ARHGAP25: variants seen among roughly 807,000 people sequenced by gnomAD.
ARHGAP25 encodes rho GTPase-activating protein 25.
In ARHGAP25, 34 loss-of-function variants were observed where a neutral mutation model predicts 71.0. That is an observed-to-expected ratio of 0.48 (90% CI 0.36 to 0.64). The LOEUF (loss-of-function observed/expected upper bound fraction) is 0.64, where lower values mean the gene tolerates loss of function less well. Ranked by LOEUF, ARHGAP25 falls within the 30% of genes least tolerant of loss-of-function variation. The pLI, the probability that ARHGAP25 is intolerant of heterozygous loss-of-function variation, is 0.00. For synonymous variants in ARHGAP25, 282 were observed against 296.5 expected (o/e 0.95, Z 0.50); for missense variants, 706 against 805.1 (o/e 0.88, Z 1.49).
chr2:68,799,929 T>C (rs1004346484), intron 4 of ARHGAP25, among the ~76,000 whole-genome samples: 4 of 152,212 alleles, frequency 2.6e-5, no homozygotes, highest in Non-Finnish European at 4.4e-5. Context: ...TCTTCGGCCC[T>C]GCCATGCCTC....
chr2:68,792,416 TC>T (rs1679246581), intron 4 of ARHGAP25, among the ~76,000 whole-genome samples: 1 of 152,198 alleles, frequency 6.6e-6, no homozygotes, highest in Non-Finnish European at 1.5e-5. Flanking sequence ...TTCCATCCCC[TC>T]ATCCTTCTGA....
chr2:68,740,680 A>T (rs1284353555), intron 1 of ARHGAP25, among the ~76,000 whole-genome samples: 1 of 152,226 alleles, frequency 6.6e-6, no homozygotes, highest in African/African-American at 2.4e-5. Flanking sequence ...TACAGCTCTC[A>T]ATACTATGGA....
intron 10 of ARHGAP25, among the ~76,000 whole-genome samples, chr2:68,825,639 G>A: frequency 6.6e-6 from 1 of 152,078 alleles, no homozygotes; most frequent in East Asian, 1.9e-4. Flanking sequence ...GCTGGGTATG[G>A]TGGCGGGCAT....
At chr2:68,769,617 A>G (rs6728582) in intron 1 of ARHGAP25, among the ~76,000 whole-genome samples, 14,241 of 152,212 alleles carry the variant, frequency 0.094, 819 homozygotes, top group East Asian at 0.25. Context: ...ACAGGAAAAG[A>G]AAAAAGTACC....
intron 2 of ARHGAP25, among the ~76,000 whole-genome samples, chr2:68,713,402 G>A (rs943804803): frequency 5.8e-4 from 88 of 152,196 alleles, no homozygotes; most frequent in African/African-American, 1.9e-3. Context: ...GGAGATTTGG[G>A]GCTGAGACGA....
At chr2:68,774,054 T>C (rs1221004466) in intron 1 of ARHGAP25, among the ~76,000 whole-genome samples, 1 of 152,132 alleles carries the variant, frequency 6.6e-6, no homozygotes, top group Non-Finnish European at 1.5e-5. Flanking sequence ...GCAGAGTTGA[T>C]AGCTTAGTTT....
At chr2:68,712,247 G>A (rs1017504273) in intron 2 of ARHGAP25, among the ~76,000 whole-genome samples, 1 of 152,142 alleles carries the variant, frequency 6.6e-6, no homozygotes, top group Non-Finnish European at 1.5e-5. Flanking sequence ...GTTTTGATTT[G>A]CATTTTTCTA....
chr2:68,809,428 G>C (rs984929764), intron 5 of ARHGAP25, among the ~76,000 whole-genome samples: 1 of 152,186 alleles, frequency 6.6e-6, no homozygotes, highest in African/African-American at 2.4e-5. Context: ...ACTCTGAAGT[G>C]AAAGTGACCA....
At chr2:68,825,384 T>C (rs1682039398) in intron 10 of ARHGAP25, among the ~76,000 whole-genome samples, 1 of 152,196 alleles carries the variant, frequency 6.6e-6, no homozygotes, top group South Asian at 2.1e-4. Flanking sequence ...TGGTCCCTCC[T>C]TTCAAAGACT....
At chr2:68,760,565 G>A (rs1257796602) in intron 1 of ARHGAP25, among the ~76,000 whole-genome samples, 5 of 151,918 alleles carry the variant, frequency 3.3e-5, no homozygotes, top group African/African-American at 9.7e-5. Context: ...AGAAAATTAA[G>A]AGAATAGTTT....
intron 5 of ARHGAP25, among the ~76,000 whole-genome samples, chr2:68,809,982 A>G (rs1265788961): frequency 6.6e-6 from 1 of 152,166 alleles, no homozygotes; most frequent in Non-Finnish European, 1.5e-5. Context: ...TGTCTGTGAG[A>G]AATGCACTTA....
intron 2 of ARHGAP25, chr2:68,775,890 A>G (rs1402977189): frequency 3.6e-5 from 12 of 329,526 alleles, no homozygotes; most frequent in African/African-American, 2.0e-4. Flanking sequence ...GGAGGAAAAG[A>G]CACATAAACA....
At chr2:68,815,054 A>G (rs1681101529) in intron 6 of ARHGAP25, among the ~76,000 whole-genome samples, 1 of 152,234 alleles carries the variant, frequency 6.6e-6, no homozygotes. Context: ...AAAGTAAAGG[A>G]GGCAGCTAGA....
intron 4 of ARHGAP25, among the ~76,000 whole-genome samples, chr2:68,795,370 T>C (rs923174747): frequency 2.6e-5 from 4 of 152,176 alleles, no homozygotes; most frequent in African/African-American, 7.2e-5. Context: ...GGTTGTTAAT[T>C]TGTACTCTTT....
intron 4 of ARHGAP25, among the ~76,000 whole-genome samples, chr2:68,804,592 A>T (rs1425876735): frequency 6.6e-6 from 1 of 152,048 alleles, no homozygotes. Context: ...CTGTTATGTT[A>T]TTTTCATAAC....
chr2:68,770,247 G>C (rs750966098), intron 1 of ARHGAP25, among the ~76,000 whole-genome samples: 1 of 152,180 alleles, frequency 6.6e-6, no homozygotes, highest in Non-Finnish European at 1.5e-5. Flanking sequence ...TCTCATGGAG[G>C]TGTGTTAGGA....
chr2:68,760,627 C>A (rs1371192613), intron 1 of ARHGAP25, among the ~76,000 whole-genome samples: 5 of 151,848 alleles, frequency 3.3e-5, no homozygotes, highest in African/African-American at 7.3e-5. Flanking sequence ...AACTTAACCA[C>A]CAGAAGGTGA....
At chr2:68,742,451 C>T (rs973816513) in intron 1 of ARHGAP25, among the ~76,000 whole-genome samples, 5 of 152,194 alleles carry the variant, frequency 3.3e-5, no homozygotes, top group African/African-American at 7.2e-5. Context: ...CCAGTATCAT[C>T]GATCGGTCAC....
At chr2:68,821,702 T>G (rs1220386139) in intron 9 of ARHGAP25, among the ~76,000 whole-genome samples, 1 of 152,174 alleles carries the variant, frequency 6.6e-6, no homozygotes, top group Non-Finnish European at 1.5e-5. Context: ...AATTTTAATT[T>G]GAGTTTCTTG....
Sources: allele counts gnomAD v4.1 joint callset (sites outside exome capture counted in the v4.1 genomes callset), GRCh38; gene constraint gnomAD v4.1.1; transcripts MANE v1.5; gene names NCBI Gene and HGNC (gene_info 2026-07-23, HGNC 2026-07-21).